AGFG1: variants seen among roughly 807,000 people sequenced by gnomAD.
AGFG1 encodes the protein arf-GAP domain and FG repeat-containing protein 1.
A neutral mutation model predicts 60.6 loss-of-function variants in AGFG1; 10 were observed. The observed-to-expected ratio is 0.16, with a 90% CI of 0.10 to 0.28. The LOEUF (loss-of-function observed/expected upper bound fraction) is 0.28. Among genes scored for constraint, AGFG1 ranks in the 10% least tolerant of loss-of-function variants. The pLI is 1.00. For missense variants in AGFG1, 537 were observed against 676.5 expected (o/e 0.79, Z 2.29); for synonymous variants, 247 against 242.9 (o/e 1.02, Z -0.16).
chr2:227,544,254 A>C (rs561949988), intron 10 of AGFG1, among the ~76,000 whole-genome samples: 2 of 140,800 alleles, frequency 1.4e-5, no homozygotes, highest in African/African-American at 5.3e-5. Flanking sequence ...TCCTGGGTTC[A>C]CGCCATTCTC....
chr2:227,499,413 G>A (rs1287454594), intron 2 of AGFG1, among the ~76,000 whole-genome samples: 3 of 152,076 alleles, frequency 2.0e-5, no homozygotes, highest in Non-Finnish European at 4.4e-5. Context: ...GCTGAGGCAG[G>A]CAGATCACTT....
intron 5 of AGFG1, among the ~76,000 whole-genome samples, chr2:227,528,016 C>T (rs1692047624): frequency 1.3e-5 from 2 of 152,022 alleles, no homozygotes; most frequent in Non-Finnish European, 2.9e-5. Flanking sequence ...ATTTGATGAC[C>T]TGGCTTCTTT....
intron 2 of AGFG1, among the ~76,000 whole-genome samples, chr2:227,501,317 G>A (rs553463882): frequency 1.3e-5 from 2 of 152,318 alleles, no homozygotes; most frequent in African/African-American, 4.8e-5. Context: ...CTGACCTCAG[G>A]TGATCTGTCC....
intron 6 of AGFG1, among the ~76,000 whole-genome samples, chr2:227,533,088 G>A (rs1367944285): frequency 2.0e-5 from 3 of 152,244 alleles, no homozygotes; most frequent in East Asian, 1.9e-4. Flanking sequence ...TTGGATCACC[G>A]TAACACATTT....
At chr2:227,512,845 AT>A (rs1284731147) in intron 2 of AGFG1, among the ~76,000 whole-genome samples, 1 of 152,188 alleles carries the variant, frequency 6.6e-6, no homozygotes, top group Non-Finnish European at 1.5e-5. Context: ...TACCTAGAGG[AT>A]TACTCCATCT....
At chr2:227,473,832 TATTAC>T (rs1408156648) in intron 1 of AGFG1, among the ~76,000 whole-genome samples, 1 of 152,234 alleles carries the variant, frequency 6.6e-6, no homozygotes, top group Non-Finnish European at 1.5e-5. Flanking sequence ...GCATTATTAG[TATTAC>T]ATGAGTGTTA....
chr2:227,549,997 T>C (rs1692772460), intron 10 of AGFG1: 3 of 438,452 alleles, frequency 6.8e-6, no homozygotes, highest in Non-Finnish European at 1.4e-5. Flanking sequence ...AAGTATACTT[T>C]TATTTTAACA....
intron 10 of AGFG1, among the ~76,000 whole-genome samples, chr2:227,545,901 C>T (rs575218532): frequency 6.6e-6 from 1 of 152,308 alleles, no homozygotes; most frequent in South Asian, 2.1e-4. Flanking sequence ...CAATCGGCCC[C>T]TACTGGGAGG....
At position 227,524,751 on chromosome 2, in the gene AGFG1, G is replaced by T; in HGVS notation, c.541-11G>T. The T allele has an allele frequency of 6.2e-7, 1 of 1,613,564 alleles. No individual in the cohort carries two copies. The highest frequency in any genetic ancestry group is 8.5e-7 in the Non-Finnish European group (1 of 1,179,608). ...ACTGGAATATCTTTATAGTTAATAT[G>T]TGGTTTGTAGTCCCCAGTTGTAGGT... On this transcript the variant is annotated splice_polypyrimidine_tract_variant and intron_variant, in intron 4 of 12. Coordinates refer to ENST00000310078, the MANE Select transcript of AGFG1 (RefSeq NM_004504.5).
At chr2:227,544,209 C>A (rs1419101079) in intron 10 of AGFG1, among the ~76,000 whole-genome samples, 1 of 126,994 alleles carries the variant, frequency 7.9e-6, no homozygotes, top group African/African-American at 3.1e-5. Context: ...GCCTGGAGTG[C>A]AGTGGCGCGA....
At position 227,497,761 on chromosome 2, in the gene AGFG1, T is replaced by TTTTTTTTTTTTTTTTTG. The variant is rs546987888; in HGVS notation, c.261+6121_261+6122insTTTTTTTTTTTTTTTTG. 1.3e-3 allele frequency among the ~76,000 whole-genome samples: 87 copies of TTTTTTTTTTTTTTTTTG among 65,202 alleles called. 4 individuals are homozygous for TTTTTTTTTTTTTTTTTG. The highest frequency in any genetic ancestry group is 2.3e-3 in the Non-Finnish European group (69 of 29,974). The allele number at this position is 65,202 out of a possible 152,430, so 42.8% of individuals were successfully genotyped here. A position where few individuals can be genotyped will look rare whatever the true frequency, so the allele number is the denominator to read the frequency against. Reference sequence around the variant, plus strand: ...TTTTTTTTTTTTTTTTTTTTTTTTTTGGGGACGGAGTCTTACTCTGTCGCC... The same window carrying TTTTTTTTTTTTTTTTTG: ...TTTTTTTTTTTTTTTTTTTTTTTTTTTTTTTTTTTTTTTTTTGGGGGACGGAGTCTTACTCTGTCGCC... On this transcript the variant is annotated intron_variant, in intron 2 of 12. Transcript: ENST00000310078.
chr2:227,509,222 C>T (rs1174974620), intron 2 of AGFG1, among the ~76,000 whole-genome samples: 3 of 152,088 alleles, frequency 2.0e-5, no homozygotes, highest in African/African-American at 7.2e-5. Flanking sequence ...GGGAAGGACA[C>T]GTCACTTACA....
intron 1 of AGFG1, among the ~76,000 whole-genome samples, chr2:227,489,397 T>C (rs1368322981): frequency 6.6e-6 from 1 of 150,922 alleles, no homozygotes; most frequent in African/African-American, 2.4e-5. Context: ...AATTTTCGTA[T>C]TTTTAGTAGA....
chr2:227,496,110 C>CAA (rs748201686), intron 2 of AGFG1, among the ~76,000 whole-genome samples: 1 of 37,298 alleles, frequency 2.7e-5, no homozygotes, highest in Non-Finnish European at 5.4e-5. Flanking sequence ...GAGACTGTCT[C>CAA]AAAAAAAAAA....
intron 5 of AGFG1, among the ~76,000 whole-genome samples, chr2:227,525,683 A>G (rs972696981): frequency 1.6e-4 from 24 of 152,336 alleles, no homozygotes; most frequent in African/African-American, 5.5e-4. Flanking sequence ...TGATTGCACC[A>G]CTATGGTGCC....
intron 1 of AGFG1, among the ~76,000 whole-genome samples, chr2:227,473,075 C>T (rs1690160762): frequency 8.8e-6 from 1 of 114,174 alleles, no homozygotes; most frequent in African/African-American, 3.3e-5. Context: ...CTGGGCGCTC[C>T]TGCTGGGGGT....
intron 1 of AGFG1, among the ~76,000 whole-genome samples, chr2:227,490,446 C>T (rs999526673): frequency 2.0e-5 from 3 of 151,926 alleles, no homozygotes; most frequent in African/African-American, 4.8e-5. Flanking sequence ...GACGTGGTGG[C>T]GGGTACCTGT....
At chr2:227,476,972 G>A (rs1475589340) in intron 1 of AGFG1, among the ~76,000 whole-genome samples, 1 of 150,424 alleles carries the variant, frequency 6.6e-6, no homozygotes, top group Non-Finnish European at 1.5e-5. Context: ...TACGATCACG[G>A]CTCACTGCAA....
chr2:227,473,005 G>T (rs1690156398), intron 1 of AGFG1, among the ~76,000 whole-genome samples: 2 of 149,466 alleles, frequency 1.3e-5, no homozygotes, highest in Admixed American at 6.8e-5. Flanking sequence ...GTCCATGCGG[G>T]TCCTTTGTGT....
Sources: allele counts gnomAD v4.1 joint callset (sites outside exome capture counted in the v4.1 genomes callset), GRCh38; gene constraint gnomAD v4.1.1; transcripts MANE v1.5; gene names NCBI Gene and HGNC (gene_info 2026-07-23, HGNC 2026-07-21).